Variants in TAX1BP1 observed in about 807,000 individuals in gnomAD.
TAX1BP1 encodes Tax1 binding protein 1.
TAX1BP1 carries 62 observed loss-of-function variants against 97.7 expected under a neutral mutation model. That is an observed-to-expected ratio of 0.63 (90% confidence interval 0.52 to 0.78). The LOEUF (loss-of-function observed/expected upper bound fraction) is 0.78. Ranked by LOEUF, TAX1BP1 falls within the 30% of genes least tolerant of loss-of-function variation. The pLI is 0.00. For missense variants in TAX1BP1, 867 were observed against 916.1 expected (o/e 0.95, Z 0.69); for synonymous variants, 340 against 304.2 (o/e 1.12, Z -1.23).
At chr7:27,794,251 A>T in intron 10 of TAX1BP1, 72 bp from the exon 11 acceptor site, 1 of 1,269,814 alleles carries the variant, frequency 7.9e-7, no homozygotes, top group African/African-American at 1.5e-5. Context: ...AATATTATTT[A>T]CTTAGTTACT....
At chr7:27,802,964 C>T in intron 13 of TAX1BP1, 1 of 709,684 alleles carries the variant, frequency 1.4e-6, no homozygotes, top group Non-Finnish European at 2.1e-6. Flanking sequence ...ACAAGTAATT[C>T]AGAGAAGTCA....
In TAX1BP1 at chr7:27,792,224, A is replaced by C. The variant is rs753490218; in HGVS notation, c.1257A>C (p.Lys419Asn). The stretch of plus-strand genomic sequence containing the variant: ...AACTTAAACTAAATGCTATGAAAAA[A>C]GATCAGGTAAAACAAGTTAATTTTG... ...VAELKLNAMK[K>N]DQDKTDTLEH... Residue 419 changes from lysine (K) to asparagine (N), a missense_variant, in exon 9 of 17, where the codon AAA becomes AAC. By Grantham distance (94) the Lys-to-Asn change is moderately conservative. Coordinates refer to ENST00000396319, the MANE Select transcript of TAX1BP1 (RefSeq NM_006024.7). 6.2e-7 allele frequency: 1 copy of C among 1,604,444 alleles called. No homozygotes were observed. The highest frequency in any genetic ancestry group is 1.1e-5 in the South Asian group (1 of 89,808).
chr7:27,807,238 C>A (rs1047398623), intron 13 of TAX1BP1, among the ~76,000 whole-genome samples: 1 of 152,262 alleles, frequency 6.6e-6, no homozygotes, highest in Admixed American at 6.5e-5. Context: ...GATGTTCTTT[C>A]AGCCATGTTA....
chr7:27,798,917 C>G (rs1225865007), intron 12 of TAX1BP1, among the ~76,000 whole-genome samples: 1 of 146,134 alleles, frequency 6.8e-6, no homozygotes, highest in African/African-American at 2.5e-5. Flanking sequence ...CTGTATATGT[C>G]TTTTGTCTGA....
intron 13 of TAX1BP1, among the ~76,000 whole-genome samples, chr7:27,802,955 C>A (rs1214738820): frequency 6.6e-6 from 1 of 151,914 alleles, no homozygotes; most frequent in Non-Finnish European, 1.5e-5. Flanking sequence ...CAATAAATGA[C>A]AAGTAATTCA....
intron 3 of TAX1BP1, among the ~76,000 whole-genome samples, chr7:27,761,753 G>A (rs1788436938): frequency 6.6e-6 from 1 of 152,120 alleles, no homozygotes; most frequent in Admixed American, 6.5e-5. Context: ...TTGCTTCCAC[G>A]TTTTGGCACT....
intron 13 of TAX1BP1, 85 bp from the exon 14 acceptor site, chr7:27,816,264 A>G: frequency 9.1e-7 from 1 of 1,101,310 alleles, no homozygotes; most frequent in Non-Finnish European, 1.3e-6. Flanking sequence ...TTTTATTGTT[A>G]TATTTTGACT....
intron 5 of TAX1BP1, among the ~76,000 whole-genome samples, chr7:27,775,925 A>C (rs987379259): frequency 6.6e-6 from 1 of 152,066 alleles, no homozygotes; most frequent in Non-Finnish European, 1.5e-5. Flanking sequence ...CCTGCCTTAC[A>C]CAAGCTAGTT....
intron 12 of TAX1BP1, among the ~76,000 whole-genome samples, chr7:27,798,769 AT>A (rs1790029007): frequency 6.6e-6 from 1 of 151,726 alleles, no homozygotes; most frequent in Non-Finnish European, 1.5e-5. Context: ...TGTGGTTTTA[AT>A]GTGCATTTGT....
At chr7:27,828,488 G>A in intron 16 of TAX1BP1, 140 bp from the exon 17 acceptor site, 2 of 715,380 alleles carry the variant, frequency 2.8e-6, no homozygotes, top group South Asian at 4.0e-5. Context: ...GCAGAGAAAT[G>A]TTTCTGGAGT....
chr7:27,754,362 G>GT, intron 2 of TAX1BP1, among the ~76,000 whole-genome samples: 1 of 146,934 alleles, frequency 6.8e-6, no homozygotes, highest in Non-Finnish European at 1.5e-5. Context: ...TCCTCTGGTT[G>GT]TAAAAAAAAA....
In TAX1BP1 at chr7:27,807,092, T is replaced by C. The variant is rs546967323; in HGVS notation, c.1764+7002T>C. 3.9e-5 allele frequency among the ~76,000 whole-genome samples: 6 copies of C among 152,292 alleles called. No individual in the cohort carries two copies. The East Asian group carries it at 1.2e-3, about 29-fold the overall frequency. ...TGGGGCTCTTGAACTTTTTGTAGTT[T>C]TAAATTTTTATGTAATTTCAAACTC... On this transcript the variant is annotated intron_variant, in intron 13 of 16. Coordinates refer to ENST00000396319, the MANE Select transcript of TAX1BP1 (RefSeq NM_006024.7).
chr7:27,805,972 T>G (rs1790320624), intron 13 of TAX1BP1, among the ~76,000 whole-genome samples: 1 of 152,236 alleles, frequency 6.6e-6, no homozygotes, highest in African/African-American at 2.4e-5. Flanking sequence ...TATGCTCAGC[T>G]TTGAAAACTA....
rs950411054 is a variant in TAX1BP1, at chr7:27,813,889, G to GT, written c.1765-2450dup. Among the ~76,000 whole-genome samples the GT allele has an allele frequency of 1.6e-3, 235 of 148,974 alleles. 2 individuals are homozygous for GT. Among genetic ancestry groups the GT allele is most frequent in the African/African-American group, 4.6e-3 (187 of 40,810 alleles). On this transcript the variant is annotated intron_variant, in intron 13 of 16. Coordinates refer to ENST00000396319, the MANE Select transcript of TAX1BP1 (RefSeq NM_006024.7). The stretch of plus-strand genomic sequence containing the variant: ...TTAATTTTCTTTCAATTTATGTGTA[G>GT]TTTTTTTTTTAACGGTCACTAAATT...
At chr7:27,756,346 T>C (rs551815980) in intron 2 of TAX1BP1, among the ~76,000 whole-genome samples, 2 of 152,236 alleles carry the variant, frequency 1.3e-5, no homozygotes, top group South Asian at 2.1e-4. Flanking sequence ...AGAACTATTG[T>C]TTAGTTTTAG....
chr7:27,754,525 C>T (rs1788138232), intron 2 of TAX1BP1, among the ~76,000 whole-genome samples: 1 of 151,622 alleles, frequency 6.6e-6, no homozygotes, highest in Admixed American at 6.6e-5. Flanking sequence ...TATTTCCTTC[C>T]AGCCTTGTTT....
intron 13 of TAX1BP1, 106 bp from the exon 14 acceptor site, chr7:27,816,243 A>C (rs1250303111): frequency 2.1e-6 from 2 of 950,804 alleles, no homozygotes; most frequent in Non-Finnish European, 3.0e-6. Flanking sequence ...CAACTTCATA[A>C]TAGGAAATAA....
Position 27,828,619 on chromosome 7 carries a change from C to T in TAX1BP1, c.2169-9C>T, listed in dbSNP as rs199652732. 2.5e-6 allele frequency: 4 copies of T among 1,610,530 alleles called. No homozygotes were observed. The highest frequency in any genetic ancestry group is 3.4e-6 in the Non-Finnish European group (4 of 1,178,118). On this transcript the variant is annotated splice_polypyrimidine_tract_variant and intron_variant, in intron 16 of 16. Transcript: ENST00000396319. Reference sequence around the variant, plus strand: ...AGAAACATGTAATTCTTTCATTTTTCTCTTTAAGCTTTGATGTTCACAAGA... The same window carrying T: ...AGAAACATGTAATTCTTTCATTTTTTTCTTTAAGCTTTGATGTTCACAAGA...
rs572160396 is a variant in TAX1BP1, at chr7:27,791,875, C to T, written c.1039-131C>T. 3.9e-6 allele frequency: 3 copies of T among 760,314 alleles called. No individual in the cohort carries two copies. In the African/African-American group the frequency reaches 5.3e-5, roughly 13 times the overall value. 47.1% of individuals were successfully genotyped at this position (760,314 alleles called of 1,614,324 possible). A position where few individuals can be genotyped will look rare whatever the true frequency, so the allele number is the denominator to read the frequency against. ...TTCTTAAGTTTTTTGTAGGCATATA[C>T]TCTGTAAGTCATGAGTAGAAAAACC... On this transcript the variant is annotated intron_variant, in intron 8 of 16. Transcript: ENST00000396319.
Sources: gnomAD v4.1 joint callset for allele counts (sites outside exome capture counted in the v4.1 genomes callset) on GRCh38, gnomAD v4.1.1 for gene constraint, MANE v1.5 for transcripts, NCBI Gene and HGNC (gene_info 2026-07-23, HGNC 2026-07-21) for gene names.